Variants in PCM1 observed in about 807,000 individuals in gnomAD.
The protein encoded by PCM1 is pericentriolar material 1.
A neutral mutation model predicts 241.9 loss-of-function variants in PCM1; 157 were observed. The observed-to-expected ratio is 0.65, with a 90% CI of 0.57 to 0.74. The LOEUF is 0.74. PCM1 is among the 30% of genes least tolerant of loss of function. PCM1 has a pLI of 0.00. For missense variants in PCM1, 3,478 were observed against 2,360.1 expected (o/e 1.47, Z -9.81); for synonymous variants, 1,085 against 784.9 (o/e 1.38, Z -6.39).
intron 2 of PCM1, among the ~76,000 whole-genome samples, chr8:17,928,504 C>T (rs1026829898): frequency 6.6e-6 from 1 of 151,976 alleles, no homozygotes; most frequent in South Asian, 2.1e-4. Flanking sequence ...TCTTCTTCCT[C>T]TCTAAAGCTA....
intron 23 of PCM1, among the ~76,000 whole-genome samples, chr8:17,979,359 G>A (rs1304013453): frequency 6.6e-6 from 1 of 152,172 alleles, no homozygotes; most frequent in Non-Finnish European, 1.5e-5. Flanking sequence ...AGTTTTATGT[G>A]TTCTTTTCTA....
chr8:17,993,544 A>G lies in PCM1; in HGVS notation c.4752A>G (p.Pro1584=), dbSNP rs950390402. 6.3e-7 allele frequency: 1 copy of G among 1,595,824 alleles called. No individual in the cohort carries two copies. Among genetic ancestry groups the G allele is most frequent in the Non-Finnish European group, 8.5e-7 (1 of 1,170,158 alleles). ...QQPVSEVSTI[P]CPRIDTQQLD... ...CTGTAAGTGAAGTTTCTACCATCCC[A>G]TGTCCTAGAATTGATACTCAGCAGC... The change falls in exon 29 of 39, where the codon CCA becomes CCG. Residue 1584 remains proline (P), a synonymous_variant. Coordinates refer to ENST00000325083, the MANE Select transcript of PCM1 (RefSeq NM_006197.4).
chr8:18,006,200 A>C (rs1036228334), intron 29 of PCM1, 63 bp from the exon 30 acceptor site: 3 of 1,310,240 alleles, frequency 2.3e-6, no homozygotes, highest in Admixed American at 5.3e-5. Flanking sequence ...TATTATATGG[A>C]TTGATTTTCT....
Position 18,027,651 on chromosome 8 carries a change from C to CAG in PCM1, c.6067_6068dup (p.Ser2023ArgfsTer27). ...CTGTTTTTCAGAAACGGTGGGAGCC[C>CAG]AGAGTATATGAGATGTCTTCAGAGG... On this transcript the variant is annotated frameshift_variant, in exon 39 of 39. Transcript: ENST00000325083. LOFTEE classifies it high-confidence loss of function. 1 of 1,581,372 alleles carries CAG rather than the reference C, an allele frequency of 6.3e-7. No homozygotes were observed. Among genetic ancestry groups the CAG allele is most frequent in the Non-Finnish European group, 8.6e-7 (1 of 1,157,498 alleles).
intron 29 of PCM1, 52 bp downstream of exon 29, chr8:17,993,671 A>G (rs2085580016): frequency 6.9e-7 from 1 of 1,456,436 alleles, no homozygotes; most frequent in Admixed American, 2.1e-5. Flanking sequence ...TTGTTTTTTA[A>G]TTCATACAGA....
chr8:17,930,848 C>A (rs186471150), intron 2 of PCM1, among the ~76,000 whole-genome samples: 185 of 151,856 alleles, frequency 1.2e-3, no homozygotes, highest in Non-Finnish European at 2.0e-3. Context: ...CCACTGCACT[C>A]CAGCCTGGGT....
At chr8:17,989,738 G>A in intron 26 of PCM1, 121 bp from the exon 27 acceptor site, 2 of 691,690 alleles carry the variant, frequency 2.9e-6, no homozygotes. Context: ...GAATACTGAG[G>A]AAACTTATGA....
intron 11 of PCM1, 54 bp downstream of exon 11, chr8:17,956,831 T>TA: frequency 7.5e-7 from 1 of 1,332,774 alleles, no homozygotes; most frequent in Non-Finnish European, 1.1e-6. Context: ...TCTTGATACT[T>TA]ATAATGTGGG....
At chr8:17,937,903 G>GAT (rs1311007426) in intron 4 of PCM1, among the ~76,000 whole-genome samples, 1 of 152,112 alleles carries the variant, frequency 6.6e-6, no homozygotes, top group African/African-American at 2.4e-5. Context: ...TAGAAAGGTA[G>GAT]ATTCAAGTCT....
Position 17,961,487 on chromosome 8 carries a change from A to G in PCM1, c.2323-547A>G, listed in dbSNP as rs533044027. 5.9e-5 allele frequency among the ~76,000 whole-genome samples: 9 copies of G among 151,458 alleles called. No individual in the cohort carries two copies. The South Asian group carries it at 1.9e-3, about 32-fold the overall frequency. On this transcript the variant is annotated intron_variant, in intron 15 of 38. Transcript: ENST00000325083. ...CACCACGCCCGGCTAATTTTTTTGTATTTTTAGTAGAGACGGGGTTTCACC... is the reference window on the plus strand; with the variant it reads ...CACCACGCCCGGCTAATTTTTTTGTGTTTTTAGTAGAGACGGGGTTTCACC...
At chr8:17,972,047 A>G (rs1233257473) in intron 22 of PCM1, among the ~76,000 whole-genome samples, 2 of 152,090 alleles carry the variant, frequency 1.3e-5, no homozygotes, top group African/African-American at 4.8e-5. Flanking sequence ...AGCTAGCCTG[A>G]TTTTTCTTTC....
In PCM1 at chr8:17,966,367, T is replaced by TA; in HGVS notation, c.3116dup (p.Tyr1039Ter). The TA allele has an allele frequency of 6.2e-7, 1 of 1,613,848 alleles. No individual in the cohort carries two copies. The highest frequency in any genetic ancestry group is 8.5e-7 in the Non-Finnish European group (1 of 1,179,750). Residue 1039 changes from tyrosine (Y) to a stop codon, truncating the protein, a stop_gained and frameshift_variant, in exon 20 of 39, where the codon TAC becomes TAAC. Transcript: ENST00000325083. LOFTEE classifies it high-confidence loss of function. ...GCTACAAACTCTTCTCACGGGTCCT[T>TA]ACAGTGTTATGCCCAGCAATGTTGC... ...CLLQTLLTGPYSVMPSNVASP... is the reference protein window; with the variant it reads ...CLLQTLLTGP
At chr8:17,931,301 T>A (rs1448461389) in intron 2 of PCM1, among the ~76,000 whole-genome samples, 1 of 152,162 alleles carries the variant, frequency 6.6e-6, no homozygotes. Context: ...ATATTCTTTT[T>A]TTTTTTTGAG....
chr8:17,945,287 C>A (rs976760014), intron 6 of PCM1, among the ~76,000 whole-genome samples: 1 of 152,082 alleles, frequency 6.6e-6, no homozygotes, highest in Non-Finnish European at 1.5e-5. Flanking sequence ...GGTAACTCCC[C>A]TTATATAGGA....
intron 2 of PCM1, among the ~76,000 whole-genome samples, chr8:17,933,670 A>G (rs985990926): frequency 7.9e-5 from 12 of 152,192 alleles, no homozygotes; most frequent in African/African-American, 2.9e-4. Context: ...TGTCACTATT[A>G]TAAGTAGCAT....
chr8:17,970,083 G>T (rs1274918182), intron 22 of PCM1, among the ~76,000 whole-genome samples: 1 of 152,120 alleles, frequency 6.6e-6, no homozygotes, highest in Non-Finnish European at 1.5e-5. Flanking sequence ...GTTAAGTGAT[G>T]ATCCCTTTTT....
In PCM1 at chr8:17,956,624, A is replaced by G; in HGVS notation, c.1493A>G (p.Lys498Arg). Residue 498 changes from lysine to arginine, a missense_variant, in exon 11 of 39, where the codon AAG (lysine) becomes AGG (arginine). Coordinates refer to ENST00000325083, the MANE Select transcript of PCM1 (RefSeq NM_006197.4). Reference protein sequence around the residue: ...EKLQKLNEVRKRLNELRELVH... With the variant: ...EKLQKLNEVRRRLNELRELVH... ...ATCAGGAAGTTAAATGAAGTTCGAA[A>G]GAGATTGAATGAGCTAAGAGAATTA... 3.8e-6 allele frequency: 6 copies of G among 1,595,048 alleles called. No homozygotes were observed. Among genetic ancestry groups the G allele is most frequent in the Non-Finnish European group, 5.1e-6 (6 of 1,169,240 alleles).
chr8:17,999,058 T>G (rs930861658), intron 29 of PCM1, among the ~76,000 whole-genome samples: 2 of 152,128 alleles, frequency 1.3e-5, no homozygotes, highest in Non-Finnish European at 2.9e-5. Flanking sequence ...TGGGCTCTCC[T>G]CTGGCCCAGG....
intron 26 of PCM1, among the ~76,000 whole-genome samples, chr8:17,989,611 CTT>C (rs1277973086): frequency 6.6e-6 from 1 of 151,844 alleles, no homozygotes; most frequent in Non-Finnish European, 1.5e-5. Flanking sequence ...CAGTAGCTGT[CTT>C]TGTGTGTGTT....
Sources: gnomAD v4.1 joint callset for allele counts (sites outside exome capture counted in the v4.1 genomes callset) on GRCh38, gnomAD v4.1.1 for gene constraint, MANE v1.5 for transcripts, NCBI Gene and HGNC (gene_info 2026-07-23, HGNC 2026-07-21) for gene names.